CDKAL1: variants seen among roughly 807,000 people sequenced by gnomAD.
CDKAL1 encodes threonylcarbamoyladenosine tRNA methylthiotransferase.
A neutral mutation model predicts 68.2 loss-of-function variants in CDKAL1; 32 were observed. That is an observed-to-expected ratio of 0.47 (90% CI 0.35 to 0.63). CDKAL1 has a LOEUF of 0.63. Among genes scored for constraint, CDKAL1 ranks in the 30% least tolerant of loss-of-function variants. The probability of loss-of-function intolerance (pLI) is 0.00; values close to 1 mark genes in which losing one functional copy is unlikely to be tolerated. For missense variants in CDKAL1, 606 were observed against 696.7 expected, an observed-to-expected ratio of 0.87 and a Z score of 1.47; for synonymous variants, 234 against 244.3, an observed-to-expected ratio of 0.96 and a Z score of 0.39.
intron 5 of CDKAL1, among the ~76,000 whole-genome samples, chr6:20,683,502 G>A (rs959409754): frequency 6.6e-6 from 1 of 152,014 alleles, no homozygotes; most frequent in Non-Finnish European, 1.5e-5. Context: ...CTTCAAAATC[G>A]GAATTAACAA....
intron 9 of CDKAL1, among the ~76,000 whole-genome samples, chr6:20,950,837 G>A (rs1764487790): frequency 6.6e-6 from 1 of 152,140 alleles, no homozygotes; most frequent in Non-Finnish European, 1.5e-5. Flanking sequence ...TGGCATGGTG[G>A]TGTGCGCCTG....
At chr6:21,200,495 A>G (rs1044227633) in intron 14 of CDKAL1, among the ~76,000 whole-genome samples, 1 of 152,256 alleles carries the variant, frequency 6.6e-6, no homozygotes, top group Admixed American at 6.5e-5. Context: ...ACACACATGC[A>G]CGGACACAAA....
chr6:21,051,765 A>G (rs1158058852), intron 11 of CDKAL1, among the ~76,000 whole-genome samples: 2 of 152,224 alleles, frequency 1.3e-5, no homozygotes, highest in Non-Finnish European at 2.9e-5. Flanking sequence ...TAAAGCCAAT[A>G]CATATTAAGC....
intron 4 of CDKAL1, among the ~76,000 whole-genome samples, chr6:20,613,042 CACAA>C (rs1429448614): frequency 6.1e-5 from 7 of 113,854 alleles, no homozygotes; most frequent in African/African-American, 1.7e-4. Context: ...CACACACACA[CACAA>C]AGGGTATGGA....
chr6:20,631,747 CCAGT>C (rs1396924351), intron 4 of CDKAL1, among the ~76,000 whole-genome samples: 1 of 152,070 alleles, frequency 6.6e-6, no homozygotes, highest in African/African-American at 2.4e-5. Flanking sequence ...TCCGGATGAA[CCAGT>C]CAGATGTTAC....
chr6:20,761,968 A>T (rs575238956), intron 7 of CDKAL1, among the ~76,000 whole-genome samples: 1 of 152,248 alleles, frequency 6.6e-6, no homozygotes, highest in Non-Finnish European at 1.5e-5. Context: ...TAACAAACGT[A>T]CCACTCTGTT....
At chr6:20,751,116 C>T (rs1385399799) in intron 6 of CDKAL1, among the ~76,000 whole-genome samples, 1 of 152,066 alleles carries the variant, frequency 6.6e-6, no homozygotes, top group African/African-American at 2.4e-5. Flanking sequence ...TGTGTTATTC[C>T]TAGTCATTAA....
intron 9 of CDKAL1, among the ~76,000 whole-genome samples, chr6:20,866,875 C>T (rs910120450): frequency 6.6e-6 from 1 of 152,148 alleles, no homozygotes; most frequent in Non-Finnish European, 1.5e-5. Flanking sequence ...GTTACTATTG[C>T]CTAAACATGC....
rs756412299 is a variant in CDKAL1, at chr6:21,035,491, T to A, written c.1056-29557T>A. 1.8e-4 allele frequency among the ~76,000 whole-genome samples: 28 copies of A among 152,266 alleles called. 1 individual carries two copies. The highest frequency in any genetic ancestry group is 1.7e-3 in the South Asian group (8 of 4,828). On this transcript the variant is annotated intron_variant, in intron 11 of 15. Transcript: ENST00000274695. ...TACATGTATTTTAAACTATTCAGGA[T>A]CATTAGAAAACATCTAAGGGTCAGC...
At chr6:20,689,294 T>G (rs1452028960) in intron 5 of CDKAL1, among the ~76,000 whole-genome samples, 2 of 152,218 alleles carry the variant, frequency 1.3e-5, no homozygotes, top group African/African-American at 4.8e-5. Context: ...TTTTTAACTT[T>G]ACTCTAAAAG....
At chr6:21,048,014 A>T (rs1251848664) in intron 11 of CDKAL1, among the ~76,000 whole-genome samples, 1 of 152,146 alleles carries the variant, frequency 6.6e-6, no homozygotes, top group Non-Finnish European at 1.5e-5. Context: ...CATTTTGGAG[A>T]GCATTGTATG....
intron 9 of CDKAL1, among the ~76,000 whole-genome samples, chr6:20,857,346 AAACAAGGAATG>A (rs1295596873): frequency 1.3e-5 from 2 of 152,222 alleles, no homozygotes; most frequent in Non-Finnish European, 1.5e-5. Context: ...AGAATTGATG[AAACAAGGAATG>A]AATAAGGAAT....
intron 4 of CDKAL1, among the ~76,000 whole-genome samples, chr6:20,618,240 C>G (rs1767014296): frequency 6.6e-6 from 1 of 152,162 alleles, no homozygotes; most frequent in African/African-American, 2.4e-5. Context: ...CGTTCATATC[C>G]TTTGCCCACC....
At chr6:20,584,076 C>G (rs1765245959) in intron 4 of CDKAL1, among the ~76,000 whole-genome samples, 2 of 145,726 alleles carry the variant, frequency 1.4e-5, no homozygotes, top group South Asian at 4.2e-4. Context: ...CATTACTACT[C>G]ATATTTCACA....
At chr6:20,969,696 G>A (rs1765495447) in intron 10 of CDKAL1, among the ~76,000 whole-genome samples, 1 of 152,154 alleles carries the variant, frequency 6.6e-6, no homozygotes, top group South Asian at 2.1e-4. Context: ...GATTGTATAT[G>A]TTGGAGCTTG....
intron 5 of CDKAL1, among the ~76,000 whole-genome samples, chr6:20,699,593 A>G (rs1317493129): frequency 1.3e-5 from 2 of 152,056 alleles, no homozygotes; most frequent in Non-Finnish European, 2.9e-5. Flanking sequence ...TTACCTGCTC[A>G]TGGACATGTG....
chr6:20,873,461 C>T (rs984698213), intron 9 of CDKAL1, among the ~76,000 whole-genome samples: 3 of 152,146 alleles, frequency 2.0e-5, no homozygotes, highest in East Asian at 1.9e-4. Context: ...TTTATAATCA[C>T]GATCACATAA....
intron 9 of CDKAL1, among the ~76,000 whole-genome samples, chr6:20,888,442 C>T (rs1272747306): frequency 2.7e-5 from 4 of 148,804 alleles, no homozygotes; most frequent in African/African-American, 9.9e-5. Context: ...CATATGTATA[C>T]ATGTGCCATG....
At chr6:21,038,569 T>TA (rs1366529077) in intron 11 of CDKAL1, among the ~76,000 whole-genome samples, 2 of 152,246 alleles carry the variant, frequency 1.3e-5, no homozygotes, top group African/African-American at 4.8e-5. Flanking sequence ...CCTTTTTTCT[T>TA]AAACTGCTCT....
Sources: gnomAD v4.1 joint callset for allele counts (sites outside exome capture counted in the v4.1 genomes callset) on GRCh38, gnomAD v4.1.1 for gene constraint, MANE v1.5 for transcripts, NCBI Gene and HGNC (gene_info 2026-07-23, HGNC 2026-07-21) for gene names.